Variants in PARD3B observed in about 807,000 individuals in gnomAD.
PARD3B encodes the protein partitioning defective 3 homolog B.
Under a neutral mutation model 130.2 loss-of-function variants are expected in PARD3B, and 103 were observed. The observed-to-expected ratio is 0.79, with a 90% confidence interval of 0.67 to 0.93. The LOEUF (loss-of-function observed/expected upper bound fraction) is 0.93, where lower values mean the gene tolerates loss of function less well. PARD3B is among the 40% of genes least tolerant of loss of function. The probability of loss-of-function intolerance (pLI) is 0.00; values close to 1 mark genes in which losing one functional copy is unlikely to be tolerated. For synonymous variants in PARD3B, 583 were observed against 553.2 expected (o/e 1.05, Z -0.76); for missense variants, 1,609 against 1,499.2 (o/e 1.07, Z -1.21).
At chr2:204,997,530 G>T (rs546703016) in intron 3 of PARD3B, among the ~76,000 whole-genome samples, 1 of 150,316 alleles carries the variant, frequency 6.7e-6, no homozygotes, top group African/African-American at 2.5e-5. Context: ...AAAATGTTTT[G>T]TTTCTGTTTG....
chr2:204,919,989 C>T (rs776551505), intron 2 of PARD3B, among the ~76,000 whole-genome samples: 3 of 152,010 alleles, frequency 2.0e-5, no homozygotes, highest in Non-Finnish European at 2.9e-5. Context: ...GCAGAGTCTG[C>T]CCTTTACATC....
At chr2:205,556,424 T>A (rs2052889728) in intron 22 of PARD3B, among the ~76,000 whole-genome samples, 1 of 152,148 alleles carries the variant, frequency 6.6e-6, no homozygotes, top group African/African-American at 2.4e-5. Flanking sequence ...TTCATGGAAC[T>A]CGGTCATCTT....
intron 18 of PARD3B, among the ~76,000 whole-genome samples, chr2:205,368,498 G>A (rs941008960): frequency 2.0e-5 from 3 of 152,030 alleles, no homozygotes; most frequent in Non-Finnish European, 4.4e-5. Context: ...CGTGCGTGAT[G>A]GTGCACACCT....
At chr2:204,593,909 A>G (rs2125097212) in intron 1 of PARD3B, among the ~76,000 whole-genome samples, 1 of 152,260 alleles carries the variant, frequency 6.6e-6, no homozygotes. Flanking sequence ...AAACAACCTT[A>G]CTGAAAATGT....
intron 16 of PARD3B, among the ~76,000 whole-genome samples, chr2:205,260,955 A>G (rs545198347): frequency 4.2e-4 from 64 of 152,040 alleles, no homozygotes; most frequent in African/African-American, 1.4e-3. Flanking sequence ...GTCCCCTCCC[A>G]AGCTCCAGGT....
chr2:204,924,066 C>T (rs1415647446), intron 2 of PARD3B, among the ~76,000 whole-genome samples: 1 of 152,014 alleles, frequency 6.6e-6, no homozygotes, highest in African/African-American at 2.4e-5. Context: ...AGGACTAAAA[C>T]CACTGATGGT....
chr2:205,307,661 T>C (rs536127794), intron 18 of PARD3B, among the ~76,000 whole-genome samples: 35 of 152,252 alleles, frequency 2.3e-4, no homozygotes, highest in African/African-American at 8.4e-4. Context: ...CAAAGAGAAA[T>C]ATCCTTTGAC....
chr2:204,726,355 A>G (rs1005677610), intron 2 of PARD3B, among the ~76,000 whole-genome samples: 2 of 152,288 alleles, frequency 1.3e-5, no homozygotes, highest in East Asian at 1.9e-4. Context: ...CCTGATCTCA[A>G]CATTTTCAAG....
At chr2:204,849,183 A>G (rs565840267) in intron 2 of PARD3B, among the ~76,000 whole-genome samples, 14 of 152,294 alleles carry the variant, frequency 9.2e-5, no homozygotes, top group South Asian at 2.1e-4. Flanking sequence ...TTTGGGGTCT[A>G]TTAATCTTGA....
chr2:204,674,505 G>A (rs1386119244), intron 1 of PARD3B, among the ~76,000 whole-genome samples: 1 of 139,416 alleles, frequency 7.2e-6, no homozygotes, highest in Non-Finnish European at 1.6e-5. Flanking sequence ...CTGAAAAGAA[G>A]TTTTATAAAC....
intron 16 of PARD3B, chr2:205,293,787 T>C (rs1380050006): frequency 6.6e-6 from 1 of 152,210 alleles, no homozygotes; most frequent in Admixed American, 6.5e-5. Context: ...CTCACAGCAC[T>C]GAAGAAAAGG....
At chr2:205,573,517 T>G (rs1377315724) in intron 22 of PARD3B, among the ~76,000 whole-genome samples, 2 of 152,178 alleles carry the variant, frequency 1.3e-5, no homozygotes, top group East Asian at 3.9e-4. Flanking sequence ...TCATGAGATT[T>G]GAAAAGTATG....
At chr2:204,790,068 C>T (rs1387821953) in intron 2 of PARD3B, among the ~76,000 whole-genome samples, 2 of 152,094 alleles carry the variant, frequency 1.3e-5, no homozygotes, top group Non-Finnish European at 2.9e-5. Context: ...GACAGGGTTT[C>T]ACCGTGTTAG....
rs114312497 is a variant in PARD3B, at chr2:204,953,836, G to A, written c.223-11316G>A. 7.6e-3 allele frequency among the ~76,000 whole-genome samples: 1,151 copies of A among 152,224 alleles called. 23 individuals carry two copies. Among genetic ancestry groups the A allele is most frequent in the African/African-American group, 0.026 (1,081 of 41,534 alleles). On this transcript the variant is annotated intron_variant, in intron 2 of 22. Coordinates refer to ENST00000406610, the MANE Select transcript of PARD3B (RefSeq NM_001302769.2). Reference sequence around the variant, plus strand: ...CTTTTTGATTTAGAAACAAGTCATAGTTTTATGTGCTTATATTTTAGGTGC... The same window carrying A: ...CTTTTTGATTTAGAAACAAGTCATAATTTTATGTGCTTATATTTTAGGTGC...
intron 15 of PARD3B, among the ~76,000 whole-genome samples, chr2:205,221,738 G>C (rs202044425): frequency 1.6e-5 from 2 of 122,400 alleles, no homozygotes; most frequent in South Asian, 2.6e-4. Flanking sequence ...CTCTCTCTCT[G>C]TCTGTCTGTC....
intron 1 of PARD3B, among the ~76,000 whole-genome samples, chr2:204,627,752 A>T (rs2034536053): frequency 6.6e-6 from 1 of 152,156 alleles, no homozygotes; most frequent in Admixed American, 6.5e-5. Flanking sequence ...CTGGAATTCA[A>T]GGCTTTTAAT....
intron 18 of PARD3B, among the ~76,000 whole-genome samples, chr2:205,361,599 C>T (rs2044391587): frequency 6.6e-6 from 1 of 152,208 alleles, no homozygotes; most frequent in Non-Finnish European, 1.5e-5. Context: ...AATTTCTAGA[C>T]CCAGGGTTTT....
intron 1 of PARD3B, among the ~76,000 whole-genome samples, chr2:204,567,746 A>T (rs1216802169): frequency 6.6e-6 from 1 of 152,136 alleles, no homozygotes; most frequent in Non-Finnish European, 1.5e-5. Context: ...GAATTGCTGG[A>T]TTATATAGTA....
chr2:204,724,626 G>C (rs965727438), intron 2 of PARD3B, among the ~76,000 whole-genome samples: 1 of 152,094 alleles, frequency 6.6e-6, no homozygotes, highest in African/African-American at 2.4e-5. Context: ...TAGGTGTGCT[G>C]CATAACTTGG....
Sources: allele counts gnomAD v4.1 joint callset (sites outside exome capture counted in the v4.1 genomes callset), GRCh38; gene constraint gnomAD v4.1.1; transcripts MANE v1.5; gene names NCBI Gene and HGNC (gene_info 2026-07-23, HGNC 2026-07-21).